The following PCNT variants were observed in gnomAD, a reference collection of about 807,000 sequenced individuals.
PCNT encodes the protein kendrin.
PCNT carries 319 observed loss-of-function variants against 380.4 expected under a neutral mutation model. The ratio of observed to expected loss-of-function variants is 0.84; its 90% CI spans 0.77 to 0.92. PCNT has a LOEUF of 0.92. PCNT is among the 40% of genes least tolerant of loss of function. The probability of loss-of-function intolerance (pLI) is 0.00; values close to 1 mark genes in which losing one functional copy is unlikely to be tolerated. For missense variants in PCNT, 4,400 were observed against 4,255.3 expected (o/e 1.03, Z -0.95); for synonymous variants, 1,845 against 1,735.2 (o/e 1.06, Z -1.57).
chr21:46,335,689 GT>G (rs1039930945), intron 3 of PCNT, among the ~76,000 whole-genome samples: 23 of 141,854 alleles, frequency 1.6e-4, no homozygotes, highest in East Asian at 4.1e-4. Flanking sequence ...GGTTTTTGGG[GT>G]TTTTTTTTTT....
In PCNT at chr21:46,334,513, A is replaced by G. The variant is rs1194846533; in HGVS notation, c.384A>G (p.Glu128=). The G allele has an allele frequency of 6.2e-7, 1 of 1,609,918 alleles. No homozygotes were observed. The highest frequency in any genetic ancestry group is 1.3e-5 in the African/African-American group (1 of 74,772). The change falls in exon 3 of 47, where the codon GAA becomes GAG. Residue 128 remains glutamate, a synonymous_variant. Coordinates refer to ENST00000359568, the MANE Select transcript of PCNT (RefSeq NM_006031.6). ...GMFTVSDHPP[E]QHGMFTVGDH... ...TCACAGTCAGTGACCACCCACCAGAACAGCATGGGATGTTCACAGTCGGTG... is the reference window on the plus strand; with the variant it reads ...TCACAGTCAGTGACCACCCACCAGAGCAGCATGGGATGTTCACAGTCGGTG...
chr21:46,324,212 C>A lies in PCNT; in HGVS notation c.-17C>A. On this transcript the variant is annotated 5_prime_UTR_variant, in exon 1 of 47. Coordinates refer to ENST00000359568, the MANE Select transcript of PCNT (RefSeq NM_006031.6). ...AGCCCCGTCACCGCCGGGCGGCCCG[C>A]GCGGAGTCTGAGGGAGATGGAAGTT... 1.9e-6 allele frequency: 3 copies of A among 1,607,722 alleles called. No individual in the cohort carries two copies.
chr21:46,394,552 C>T (rs1601946355), intron 21 of PCNT: 3 of 983,778 alleles, frequency 3.0e-6, no homozygotes, highest in Non-Finnish European at 1.2e-6. Context: ...TAAAGACAAA[C>T]GATTGATTTG....
Position 46,425,981 on chromosome 21 carries a change from G to A in PCNT, c.7320+10G>A, listed in dbSNP as rs758023203. On this transcript the variant is annotated intron_variant, in intron 33 of 46. Coordinates refer to ENST00000359568, the MANE Select transcript of PCNT (RefSeq NM_006031.6). This position sits in a 1 kb window ranked among gnomAD's most constrained non-coding sequence, Gnocchi z 4.2. ...TGGGGGAAAGACGCAGGTTTATTTT[G>A]CCCTTCACACACTTCTTTTCCAAAG... 2.5e-6 allele frequency: 4 copies of A among 1,612,740 alleles called. No homozygotes were observed. Among genetic ancestry groups the A allele is most frequent in the African/African-American group, 2.7e-5 (2 of 74,728 alleles).
At chr21:46,347,127 G>T (rs1057429659) in intron 5 of PCNT, 129 bp downstream of exon 5, 29 of 1,199,090 alleles carry the variant, frequency 2.4e-5, no homozygotes, top group Non-Finnish European at 3.1e-5. Context: ...TCAGCACCTT[G>T]CCTGGTGTCT....
At chr21:46,332,469 G>C (rs1448938555) in intron 2 of PCNT, among the ~76,000 whole-genome samples, 1 of 152,230 alleles carries the variant, frequency 6.6e-6, no homozygotes, top group African/African-American at 2.4e-5. Context: ...TTTGTATCAA[G>C]TAAGTTTTGA....
intron 37 of PCNT, 134 bp from the exon 38 acceptor site, chr21:46,431,395 C>T (rs2087756531): frequency 6.6e-7 from 1 of 1,523,770 alleles, no homozygotes; most frequent in South Asian, 1.3e-5. Context: ...GTTGTCCCTA[C>T]ATGTGGCTAA....
At chr21:46,380,987 T>C (rs964742172) in intron 15 of PCNT, among the ~76,000 whole-genome samples, 3 of 152,068 alleles carry the variant, frequency 2.0e-5, no homozygotes, top group African/African-American at 7.2e-5. Context: ...CAACAGGTTT[T>C]GGTAGAAACC....
intron 11 of PCNT, among the ~76,000 whole-genome samples, chr21:46,354,410 G>A (rs1240489916): frequency 1.3e-5 from 2 of 152,216 alleles, no homozygotes; most frequent in Admixed American, 6.5e-5. Context: ...GAGTCCACAC[G>A]GAGCGTCTGC....
chr21:46,418,274 G>T lies in PCNT; in HGVS notation c.6992G>T (p.Gly2331Val). ...GAAACATTAAGTTCACCTCCTCCTG[G>T]ATTAGAAGGAAAAGCTGATAGAAGT... The part of the protein sequence containing the change: ...SQETLSSPPP[G>V]LEGKADRSEK... Residue 2331 changes from glycine to valine, a missense_variant, in exon 31 of 47, where the codon GGA becomes GTA. Transcript: ENST00000359568. 1 of 1,605,586 alleles carries T rather than the reference G, an allele frequency of 6.2e-7. No homozygotes were observed. Among genetic ancestry groups the T allele is most frequent in the Non-Finnish European group, 8.5e-7 (1 of 1,172,232 alleles).
chr21:46,415,244 C>A (rs1327800697), intron 29 of PCNT, among the ~76,000 whole-genome samples: 1 of 152,218 alleles, frequency 6.6e-6, no homozygotes, highest in African/African-American at 2.4e-5. Context: ...TCTGAGGAGA[C>A]CCATGAACCT....
intron 16 of PCNT, among the ~76,000 whole-genome samples, chr21:46,384,765 GTGT>G (rs991288010): frequency 9.2e-5 from 13 of 141,182 alleles, no homozygotes; most frequent in Non-Finnish European, 1.8e-4. Flanking sequence ...CGCATTCACG[GTGT>G]TGTGCGTAGT....
At position 46,430,204 on chromosome 21, in the gene PCNT, G is replaced by C; in HGVS notation, c.7885G>C (p.Glu2629Gln). 6.2e-7 allele frequency: 1 copy of C among 1,613,836 alleles called. No individual in the cohort carries two copies. The highest frequency in any genetic ancestry group is 8.5e-7 in the Non-Finnish European group (1 of 1,179,982). ...KSEQLSRSLCEVQQEVLQLRS... is the reference protein window; with the variant it reads ...KSEQLSRSLCQVQQEVLQLRS... ...CGAACAGCTGTCCCGGTCCCTCTGC[G>C]AGGTGCAGCAGGAGGTCCTCCAGCT... Residue 2629 changes from glutamate (E) to glutamine (Q), a missense_variant, in exon 36 of 47, where the codon GAG becomes CAG. By Grantham distance (29) the Glu-to-Gln change is conservative. Transcript: ENST00000359568.
chr21:46,363,507 C>G lies in PCNT; in HGVS notation c.2182C>G (p.Gln728Glu). 2 of 1,613,592 alleles carry G rather than the reference C, an allele frequency of 1.2e-6. No homozygotes were observed. Among genetic ancestry groups the G allele is most frequent in the Non-Finnish European group, 1.7e-6 (2 of 1,179,666 alleles). The part of the protein sequence containing the change: ...KVKHNLIEDH[Q>E]KELNNAKQKT... ...AAAACACAATCTAATTGAAGACCAC[C>G]AGAAGGAACTAAATAATGCTAAGCA... The change falls in exon 14 of 47, where the codon CAG becomes GAG. Residue 728 changes from glutamine to glutamate, a missense_variant. Gln to Glu is a conservative substitution (Grantham distance 29). Coordinates refer to ENST00000359568, the MANE Select transcript of PCNT (RefSeq NM_006031.6).
At chr21:46,342,931 C>T (rs192038344) in intron 3 of PCNT, among the ~76,000 whole-genome samples, 66 of 152,250 alleles carry the variant, frequency 4.3e-4, no homozygotes, top group Admixed American at 8.5e-4. Flanking sequence ...TTGCAGCCAT[C>T]GTAAAAGGTG....
chr21:46,401,198 A>G (rs2086415430), intron 25 of PCNT, among the ~76,000 whole-genome samples: 1 of 152,240 alleles, frequency 6.6e-6, no homozygotes, highest in Admixed American at 6.5e-5. Flanking sequence ...GGCAGGTAAT[A>G]TTCATTATAT....
intron 15 of PCNT, among the ~76,000 whole-genome samples, chr21:46,372,679 A>G (rs1184830556): frequency 6.6e-6 from 1 of 152,198 alleles, no homozygotes; most frequent in Admixed American, 6.5e-5. Context: ...TTGAACCTGA[A>G]AGGTTTGCTT....
At chr21:46,358,551 GTGGCCTTCTCTGGCACTGT>G (rs1334398389) in intron 13 of PCNT, among the ~76,000 whole-genome samples, 1 of 152,218 alleles carries the variant, frequency 6.6e-6, no homozygotes, top group Non-Finnish European at 1.5e-5. Context: ...CCACCAGTGT[GTGGCCTTCTCTGGCACTGT>G]TGGCTGAAGA....
chr21:46,402,166 T>C (rs2147501147), intron 26 of PCNT, among the ~76,000 whole-genome samples, 165 bp from the exon 27 acceptor site: 1 of 152,292 alleles, frequency 6.6e-6, no homozygotes, highest in Admixed American at 6.5e-5. Flanking sequence ...CACTGTGTAT[T>C]CTTTGCAGTT....
Sources: gnomAD v4.1 joint callset for allele counts (sites outside exome capture counted in the v4.1 genomes callset) on GRCh38, gnomAD v4.1.1 for gene constraint, Gnocchi (gnomAD v3.1) non-coding constraint, MANE v1.5 for transcripts, NCBI Gene and HGNC (gene_info 2026-07-23, HGNC 2026-07-21) for gene names.